The following CLOCK variants were observed in gnomAD, a reference collection of about 807,000 sequenced individuals.
The protein encoded by CLOCK is circadian locomoter output cycles protein kaput.
Under a neutral mutation model 118.4 loss-of-function variants are expected in CLOCK, and 43 were observed. The observed-to-expected ratio is 0.36, with a 90% CI of 0.28 to 0.47. The LOEUF (loss-of-function observed/expected upper bound fraction) is 0.47, where lower values mean the gene tolerates loss of function less well. Ranked by LOEUF, CLOCK falls within the 20% of genes least tolerant of loss-of-function variation. The pLI is 1.00. For missense variants in CLOCK, 846 were observed against 999.9 expected, an observed-to-expected ratio of 0.85 and a Z score of 2.08; for synonymous variants, 326 against 339.2, an observed-to-expected ratio of 0.96 and a Z score of 0.43.
rs562524531 is a variant in CLOCK at position 55,430,707 on chromosome 4, T to C, written c.*4708A>G. 2.0e-5 allele frequency: 3 copies of C among 152,328 alleles called. No homozygotes were observed. In the South Asian group the frequency reaches 6.2e-4, roughly 32 times the overall value. 9.4% of individuals were successfully genotyped at this position (152,328 alleles called of 1,614,324 possible). A position where few individuals can be genotyped will look rare whatever the true frequency, so the allele number is the denominator to read the frequency against. ...ACATTTAAAACACTCAGAATAATTC[T>C]TGAAATTATTATATTCTAAAATGTT... On this transcript the variant is annotated 3_prime_UTR_variant, in exon 23 of 23. Coordinates refer to ENST00000513440, the MANE Select transcript of CLOCK (RefSeq NM_004898.4).
At chr4:55,510,889 A>C (rs574601568) in intron 1 of CLOCK, among the ~76,000 whole-genome samples, 54 of 152,316 alleles carry the variant, frequency 3.5e-4, no homozygotes, top group Middle Eastern at 3.4e-3. Context: ...GCAAAGAAAG[A>C]AAGCAAAAGG....
chr4:55,493,433 T>A (rs2109959955), intron 2 of CLOCK, among the ~76,000 whole-genome samples: 1 of 152,332 alleles, frequency 6.6e-6, no homozygotes, highest in East Asian at 1.9e-4. Flanking sequence ...GTGCTGAAAT[T>A]TAATTGACCG....
chr4:55,507,630 CT>C (rs1467124057), intron 2 of CLOCK, among the ~76,000 whole-genome samples: 1 of 152,016 alleles, frequency 6.6e-6, no homozygotes, highest in African/African-American at 2.4e-5. Context: ...AATAAAATAA[CT>C]TTTTAAAAAA....
At chr4:55,530,983 C>T (rs1013862244) in intron 1 of CLOCK, among the ~76,000 whole-genome samples, 4 of 151,804 alleles carry the variant, frequency 2.6e-5, no homozygotes, top group Admixed American at 6.6e-5. Flanking sequence ...CAGGAAAAGG[C>T]ATTCCACCTA....
chr4:55,441,168 C>T (rs1285363725), intron 21 of CLOCK, among the ~76,000 whole-genome samples: 1 of 152,142 alleles, frequency 6.6e-6, no homozygotes, highest in Non-Finnish European at 1.5e-5. Flanking sequence ...TGGTTTCTGT[C>T]CCCCTCAAAA....
At chr4:55,485,683 G>C (rs1318984471) in intron 3 of CLOCK, among the ~76,000 whole-genome samples, 1 of 151,950 alleles carries the variant, frequency 6.6e-6, no homozygotes, top group Non-Finnish European at 1.5e-5. Context: ...GTCTTCAAAA[G>C]GATCAGTTGC....
At chr4:55,501,952 C>A (rs189971640) in intron 2 of CLOCK, among the ~76,000 whole-genome samples, 61 of 152,136 alleles carry the variant, frequency 4.0e-4, no homozygotes, top group African/African-American at 1.4e-3. Flanking sequence ...GTATAAACTA[C>A]AAGGGCTTTT....
chr4:55,440,462 C>T (rs1723272857), intron 21 of CLOCK, among the ~76,000 whole-genome samples: 1 of 152,130 alleles, frequency 6.6e-6, no homozygotes, highest in African/African-American at 2.4e-5. Flanking sequence ...TGAGATATGA[C>T]ACTAACATAG....
chr4:55,448,252 A>G (rs1240807181), intron 18 of CLOCK, among the ~76,000 whole-genome samples: 1 of 152,230 alleles, frequency 6.6e-6, no homozygotes, highest in East Asian at 1.9e-4. Flanking sequence ...ACACACAAAG[A>G]ACTCAATAAA....
chr4:55,475,879 G>A (rs1577752227), intron 7 of CLOCK, 84 bp downstream of exon 7: 6 of 882,410 alleles, frequency 6.8e-6, no homozygotes, highest in South Asian at 4.2e-5. Context: ...TCGCAATATC[G>A]CCAAGGTACA....
chr4:55,520,942 C>T (rs555874830), intron 1 of CLOCK, among the ~76,000 whole-genome samples: 1 of 152,298 alleles, frequency 6.6e-6, no homozygotes, highest in South Asian at 2.1e-4. Flanking sequence ...CAGATTTAGT[C>T]CCCAAGGTTC....
intron 8 of CLOCK, among the ~76,000 whole-genome samples, chr4:55,464,476 C>T (rs1400409096): frequency 6.6e-6 from 1 of 152,148 alleles, no homozygotes; most frequent in Non-Finnish European, 1.5e-5. Context: ...CCACTGATAA[C>T]AAAACTTCCA....
chr4:55,469,292 T>C (rs1156325943), intron 8 of CLOCK, among the ~76,000 whole-genome samples: 2 of 152,042 alleles, frequency 1.3e-5, no homozygotes, highest in African/African-American at 4.8e-5. Context: ...ACAGGGTCTC[T>C]CCATGTTGGT....
At chr4:55,455,485 C>G (rs1016333850) in intron 13 of CLOCK, among the ~76,000 whole-genome samples, 2 of 152,146 alleles carry the variant, frequency 1.3e-5, no homozygotes, top group African/African-American at 4.8e-5. Context: ...GCAGATAACA[C>G]CAAGCACTTA....
chr4:55,460,187 T>C (rs1220988779), intron 9 of CLOCK, among the ~76,000 whole-genome samples: 1 of 152,190 alleles, frequency 6.6e-6, no homozygotes, highest in Non-Finnish European at 1.5e-5. Context: ...TTCCACTTCT[T>C]AAAAGTCATC....
Position 55,435,398 on chromosome 4 carries a change from G to A in CLOCK, c.*17C>T, listed in dbSNP as rs536813389. 2.5e-5 allele frequency: 40 copies of A among 1,613,638 alleles called. No homozygotes were observed. The Admixed American group carries it at 6.2e-4, about 25-fold the overall frequency. ...CATCCCCTTCCTCCCTTGATGTCAA[G>A]AGAGGAAGCACGTGTGCTACTGTGG... On this transcript the variant is annotated 3_prime_UTR_variant, in exon 23 of 23. Coordinates refer to ENST00000513440, the MANE Select transcript of CLOCK (RefSeq NM_004898.4).
chr4:55,500,860 G>C (rs545000610), intron 2 of CLOCK, among the ~76,000 whole-genome samples: 1 of 152,012 alleles, frequency 6.6e-6, no homozygotes, highest in South Asian at 2.1e-4. Flanking sequence ...CTGTTTTTGC[G>C]CTTGTTTTTG....
intron 13 of CLOCK, among the ~76,000 whole-genome samples, chr4:55,455,652 C>T (rs11733966): frequency 0.012 from 1,876 of 152,202 alleles, 12 homozygotes; most frequent in Non-Finnish European, 0.018. Flanking sequence ...ATAGAGCTCA[C>T]GTGCTTCAGA....
chr4:55,490,704 G>A (rs1434395147), intron 2 of CLOCK, among the ~76,000 whole-genome samples: 1 of 152,088 alleles, frequency 6.6e-6, no homozygotes, highest in Non-Finnish European at 1.5e-5. Context: ...GATGTAAATA[G>A]GTGTTATACT....
Sources: allele counts gnomAD v4.1 joint callset (sites outside exome capture counted in the v4.1 genomes callset), GRCh38; gene constraint gnomAD v4.1.1; transcripts MANE v1.5; gene names NCBI Gene and HGNC (gene_info 2026-07-23, HGNC 2026-07-21).